The following ZSWIM3 variants were observed in gnomAD, a reference collection of about 807,000 sequenced individuals.
ZSWIM3 encodes the protein zinc finger SWIM domain-containing protein 3.
ZSWIM3 carries 27 observed loss-of-function variants against 47.5 expected under a neutral mutation model. That is an observed-to-expected ratio of 0.57 (90% confidence interval 0.42 to 0.78). The LOEUF is 0.78. ZSWIM3 is among the 30% of genes least tolerant of loss of function. ZSWIM3 has a pLI of 0.00. For missense variants in ZSWIM3, 689 were observed against 861.3 expected, an observed-to-expected ratio of 0.80 and a Z score of 2.50; for synonymous variants, 333 against 333.9, an observed-to-expected ratio of 1.00 and a Z score of 0.03.
chr20:45,867,105 C>T (rs928990626), intron 1 of ZSWIM3, among the ~76,000 whole-genome samples: 4 of 148,210 alleles, frequency 2.7e-5, no homozygotes, highest in African/African-American at 9.9e-5. Flanking sequence ...CTTCCGAGTT[C>T]AAGCAATTCT....
At position 45,857,871 on chromosome 20, in the gene ZSWIM3, T is replaced by A. The variant is rs1339972039; in HGVS notation, c.46T>A (p.Cys16Ser). The A allele has an allele frequency of 1.2e-6, 2 of 1,613,684 alleles. No individual in the cohort carries two copies. The highest frequency in any genetic ancestry group is 1.7e-6 in the Non-Finnish European group (2 of 1,179,958). Residue 16 changes from cysteine (C) to serine (S), a missense_variant, in exon 1 of 2, where the codon TGC (cysteine) becomes AGC (serine). Physicochemically the swap from Cys to Ser is moderately radical, Grantham distance 112. Coordinates refer to ENST00000255152, the MANE Select transcript of ZSWIM3 (RefSeq NM_080752.4). The stretch of plus-strand genomic sequence containing the variant: ...CAAGACCTATGAGGACTTCAAGGAG[T>A]GCTTCAGCGCCTACAAAAGGGAGAA... ...CFKTYEDFKE[C>S]FSAYKRENRC...
At chr20:45,860,852 G>T (rs1197195027) in intron 1 of ZSWIM3, among the ~76,000 whole-genome samples, 1 of 152,196 alleles carries the variant, frequency 6.6e-6, no homozygotes, top group Admixed American at 6.5e-5. Context: ...CAGAGTCTAG[G>T]ATTAGGACAA....
At chr20:45,866,524 A>G (rs1985845879) in intron 1 of ZSWIM3, among the ~76,000 whole-genome samples, 1 of 151,822 alleles carries the variant, frequency 6.6e-6, no homozygotes, top group African/African-American at 2.4e-5. Context: ...AAGGAAATTC[A>G]GGCTAGGGGC....
At chr20:45,870,040 T>C (rs1348974224) in intron 1 of ZSWIM3, among the ~76,000 whole-genome samples, 1 of 112,550 alleles carries the variant, frequency 8.9e-6, no homozygotes. Flanking sequence ...CAAAACTCCG[T>C]CTCAAGAAAA....
In ZSWIM3 at chr20:45,876,928, C is replaced by T; in HGVS notation, c.370C>T (p.Leu124=). 1.2e-6 allele frequency: 2 copies of T among 1,614,082 alleles called. No homozygotes were observed. Among genetic ancestry groups the T allele is most frequent in the Non-Finnish European group, 1.7e-6 (2 of 1,180,020 alleles). The change falls in exon 2 of 2, where the codon CTG becomes TTG. Residue 124 remains leucine (L), a synonymous_variant. Coordinates refer to ENST00000255152, the MANE Select transcript of ZSWIM3 (RefSeq NM_080752.4). ...TTGKSQKTMC[L]QRLQPVQPTT... ...TGGCAAATCTCAAAAGACAATGTGC[C>T]TGCAGAGACTCCAGCCTGTGCAGCC...
At chr20:45,863,384 AG>A (rs1208489564) in intron 1 of ZSWIM3, among the ~76,000 whole-genome samples, 8 of 152,136 alleles carry the variant, frequency 5.3e-5, no homozygotes, top group Non-Finnish European at 1.2e-4. Context: ...TGCCCTGTGG[AG>A]GGGTGATGGT....
rs958408862 is a variant in ZSWIM3, at chr20:45,867,037, A to G, written c.155+9057A>G. 5.5e-5 allele frequency among the ~76,000 whole-genome samples: 7 copies of G among 127,000 alleles called. 1 individual carries two copies. The South Asian group carries it at 1.7e-3, about 30-fold the overall frequency. 83.3% of individuals were successfully genotyped at this position (127,000 alleles called of 152,430 possible). On this transcript the variant is annotated intron_variant, in intron 1 of 1. Coordinates refer to ENST00000255152, the MANE Select transcript of ZSWIM3 (RefSeq NM_080752.4). ...TTTTTTTTTTTTGAGACAGAATCTC[A>G]CTCTTGTCACCCAGGCTGGAGTGCA...
intron 1 of ZSWIM3, among the ~76,000 whole-genome samples, chr20:45,874,658 A>G (rs1986048810): frequency 6.6e-6 from 1 of 152,166 alleles, no homozygotes. Context: ...TGCTATCTGG[A>G]GAAGGAAGAG....
chr20:45,871,403 T>C (rs1191259974), intron 1 of ZSWIM3, among the ~76,000 whole-genome samples: 1 of 152,216 alleles, frequency 6.6e-6, no homozygotes, highest in African/African-American at 2.4e-5. Context: ...ATAGGTGCTC[T>C]ATGAATGTCA....
At position 45,878,786 on chromosome 20, in the gene ZSWIM3, G is replaced by GTTCCCTTCCTCTCTACTGT; in HGVS notation, c.*137_*138insTTCCCTTCCTCTCTACTGT. ...GGGCTAGGAATATTGTTACAGTAGA[G>GTTCCCTTCCTCTCTACTGT]AGGAAGGGAACTCCACTGTGTGACA... On this transcript the variant is annotated 3_prime_UTR_variant, in exon 2 of 2. Transcript: ENST00000255152. 1 of 1,150,326 alleles carries GTTCCCTTCCTCTCTACTGT rather than the reference G, an allele frequency of 8.7e-7. No individual in the cohort carries two copies. The highest frequency in any genetic ancestry group is 1.2e-6 in the Non-Finnish European group (1 of 836,724). The allele number at this position is 1,150,326 out of a possible 1,614,324, so 71.3% of individuals were successfully genotyped here.
At position 45,874,914 on chromosome 20, in the gene ZSWIM3, G is replaced by A. The variant is rs530290861; in HGVS notation, c.156-1800G>A. Reference sequence around the variant, plus strand: ...GAGCTGACTATATTGGGACTGGAGAGTTAATGTAAATCTCTTCTTGGTTCA... The same window carrying A: ...GAGCTGACTATATTGGGACTGGAGAATTAATGTAAATCTCTTCTTGGTTCA... On this transcript the variant is annotated intron_variant, in intron 1 of 1. Transcript: ENST00000255152. 7.9e-4 allele frequency among the ~76,000 whole-genome samples: 120 copies of A among 151,702 alleles called. No individual in the cohort carries two copies. In the Middle Eastern group the frequency reaches 0.01, roughly 13 times the overall value.
chr20:45,870,647 A>C (rs1398728878), intron 1 of ZSWIM3, among the ~76,000 whole-genome samples: 3 of 152,090 alleles, frequency 2.0e-5, no homozygotes, highest in Admixed American at 6.6e-5. Context: ...GCTTAGAGGA[A>C]GTGAAGTGAC....
In ZSWIM3 at chr20:45,878,122, C is replaced by T; in HGVS notation, c.1564C>T (p.His522Tyr). 2 of 1,614,212 alleles carry T rather than the reference C, an allele frequency of 1.2e-6. No individual in the cohort carries two copies. Among genetic ancestry groups the T allele is most frequent in the African/African-American group, 2.7e-5 (2 of 75,060 alleles). ...GTGGGAGGTGGTACAGAACTCCACC[C>T]ACCTGGTGGACATGGCTGGCTCTTC... ...NEWEVVQNSTHLVDMAGSSVD... is the reference protein window; with the variant it reads ...NEWEVVQNSTYLVDMAGSSVD... Residue 522 changes from histidine to tyrosine, a missense_variant, in exon 2 of 2, where the codon CAC becomes TAC. Transcript: ENST00000255152.
chr20:45,868,125 G>A (rs937242256), intron 1 of ZSWIM3, among the ~76,000 whole-genome samples: 3 of 152,156 alleles, frequency 2.0e-5, no homozygotes, highest in African/African-American at 4.8e-5. Flanking sequence ...AAGCATCAAG[G>A]TAATGCAAAT....
At position 45,878,184 on chromosome 20, in the gene ZSWIM3, T is replaced by G; in HGVS notation, c.1626T>G (p.Val542=). Residue 542 remains valine, a synonymous_variant, in exon 2 of 2, where the codon GTT becomes GTG. Transcript: ENST00000255152. ...DVQLLEDSHQ[V]SKDGCSCSCS... is the part of the protein sequence containing the mutation. ...AGCTGCTAGAGGACTCTCACCAGGT[T>G]AGCAAAGATGGCTGTAGCTGCAGCT... is the stretch of plus-strand genomic sequence containing the variant. 6.2e-7 allele frequency: 1 copy of G among 1,614,218 alleles called. No individual in the cohort carries two copies. Among genetic ancestry groups the G allele is most frequent in the South Asian group, 1.1e-5 (1 of 91,086 alleles).
At chr20:45,876,313 G>A (rs1353576554) in intron 1 of ZSWIM3, among the ~76,000 whole-genome samples, 1 of 150,830 alleles carries the variant, frequency 6.6e-6, no homozygotes, top group Non-Finnish European at 1.5e-5. Context: ...CCAAAGTGCT[G>A]GGATTACAGG....
At chr20:45,868,323 G>A (rs781244215) in intron 1 of ZSWIM3, among the ~76,000 whole-genome samples, 16 of 152,288 alleles carry the variant, frequency 1.1e-4, no homozygotes, top group Admixed American at 3.3e-4. Context: ...GAAAAATTAA[G>A]CCCTTCGGAA....
chr20:45,876,576 T>G, intron 1 of ZSWIM3, 138 bp from the exon 2 acceptor site: 2 of 1,040,536 alleles, frequency 1.9e-6, no homozygotes, highest in Non-Finnish European at 2.8e-6. Flanking sequence ...TGGGCTCAAG[T>G]GATCCTCCCA....
At chr20:45,871,703 AAAG>A (rs1985978091) in intron 1 of ZSWIM3, among the ~76,000 whole-genome samples, 1 of 151,344 alleles carries the variant, frequency 6.6e-6, no homozygotes, top group Non-Finnish European at 1.5e-5. Context: ...AAAAAAAAAG[AAAG>A]AAAAAAATAG....
Sources: allele counts gnomAD v4.1 joint callset (sites outside exome capture counted in the v4.1 genomes callset), GRCh38; gene constraint gnomAD v4.1.1; transcripts MANE v1.5; gene names NCBI Gene and HGNC (gene_info 2026-07-23, HGNC 2026-07-21).